The following GRM8 variants were observed in gnomAD, a reference collection of about 807,000 sequenced individuals.
GRM8 encodes the protein metabotropic glutamate receptor 8.
A neutral mutation model predicts 87.2 loss-of-function variants in GRM8; 47 were observed. That is an observed-to-expected ratio of 0.54 (90% confidence interval 0.43 to 0.69). The LOEUF (loss-of-function observed/expected upper bound fraction) is 0.69, where lower values mean the gene tolerates loss of function less well. Ranked by LOEUF, GRM8 falls within the 30% of genes least tolerant of loss-of-function variation. The pLI is 0.00. For missense variants in GRM8, 1,019 were observed against 1,139.2 expected (o/e 0.89, Z 1.52); for synonymous variants, 396 against 404.5 (o/e 0.98, Z 0.25).
At chr7:126,737,954 G>A (rs1040694726) in intron 7 of GRM8, among the ~76,000 whole-genome samples, 3 of 152,068 alleles carry the variant, frequency 2.0e-5, no homozygotes, top group African/African-American at 7.2e-5. Context: ...CTTTCTAGAG[G>A]TGACTTTTGA....
intron 2 of GRM8, among the ~76,000 whole-genome samples, chr7:127,219,097 C>T (rs1276375674): frequency 6.6e-6 from 1 of 152,182 alleles, no homozygotes; most frequent in Non-Finnish European, 1.5e-5. Flanking sequence ...AAATGCTTTC[C>T]GATGGTGAGA....
intron 9 of GRM8, among the ~76,000 whole-genome samples, chr7:126,493,106 A>G (rs1808235742): frequency 6.6e-6 from 1 of 152,022 alleles, no homozygotes; most frequent in Non-Finnish European, 1.5e-5. Context: ...AGTGGATAAA[A>G]CATTTTCATC....
At chr7:126,486,309 T>C (rs1456614767) in intron 9 of GRM8, among the ~76,000 whole-genome samples, 2 of 152,102 alleles carry the variant, frequency 1.3e-5, no homozygotes, top group Non-Finnish European at 2.9e-5. Flanking sequence ...AAATGTCGTT[T>C]CCACTCCAAA....
intron 3 of GRM8, among the ~76,000 whole-genome samples, chr7:126,968,891 T>C (rs575143911): frequency 3.3e-5 from 5 of 152,244 alleles, no homozygotes; most frequent in Admixed American, 2.6e-4. Context: ...CACCCCACAA[T>C]GTATACAGGC....
At chr7:126,964,440 A>G (rs1343923375) in intron 3 of GRM8, among the ~76,000 whole-genome samples, 1 of 152,242 alleles carries the variant, frequency 6.6e-6, no homozygotes, top group African/African-American at 2.4e-5. Flanking sequence ...TCCAGAATCT[A>G]CAAAGAACTT....
intron 7 of GRM8, among the ~76,000 whole-genome samples, chr7:126,667,979 G>A (rs1276071618): frequency 1.3e-5 from 2 of 152,170 alleles, no homozygotes; most frequent in East Asian, 3.9e-4. Context: ...ACCCTGTGTG[G>A]ACTGAATACA....
intron 7 of GRM8, among the ~76,000 whole-genome samples, chr7:126,692,273 G>C (rs1808906621): frequency 6.6e-6 from 1 of 152,090 alleles, no homozygotes; most frequent in Non-Finnish European, 1.5e-5. Context: ...TTTTAATTTT[G>C]ATACCACAAC....
intron 8 of GRM8, among the ~76,000 whole-genome samples, chr7:126,547,302 G>A (rs192592665): frequency 6.6e-6 from 1 of 152,182 alleles, no homozygotes; most frequent in Non-Finnish European, 1.5e-5. Context: ...GTAATTTGGG[G>A]AAAATAGTCT....
intron 9 of GRM8, among the ~76,000 whole-genome samples, chr7:126,525,170 T>G (rs1023635370): frequency 6.6e-6 from 1 of 152,144 alleles, no homozygotes; most frequent in African/African-American, 2.4e-5. Context: ...GTGAGTTTAG[T>G]GATTGTTTTA....
rs562303236 is a variant in GRM8 at position 126,651,423 on chromosome 7, G to A, written c.1358-41925C>T. On this transcript the variant is annotated intron_variant, in intron 7 of 10. Coordinates refer to ENST00000339582, the MANE Select transcript of GRM8 (RefSeq NM_000845.3). ...AAGGCTGTGTATGCTCTGAATCGGC[G>A]TCCTATATATGGTACTGTTTCTCCC... is the stretch of plus-strand genomic sequence containing the variant. Among the ~76,000 whole-genome samples the A allele has an allele frequency of 3.3e-4, 50 of 152,240 alleles. No individual in the cohort carries two copies. In the Middle Eastern group the frequency reaches 0.01, roughly 31 times the overall value.
chr7:126,621,794 C>G (rs1800207828), intron 7 of GRM8, among the ~76,000 whole-genome samples: 1 of 152,080 alleles, frequency 6.6e-6, no homozygotes, highest in Non-Finnish European at 1.5e-5. Context: ...TGGAAATTGT[C>G]TTGTCTAGTA....
At chr7:127,032,931 C>G (rs1817515677) in intron 3 of GRM8, among the ~76,000 whole-genome samples, 1 of 151,484 alleles carries the variant, frequency 6.6e-6, no homozygotes, top group Non-Finnish European at 1.5e-5. Flanking sequence ...AGGCTTCTAT[C>G]TAAAACTTCT....
chr7:127,080,325 T>A (rs534175019), intron 3 of GRM8, among the ~76,000 whole-genome samples: 60 of 152,364 alleles, frequency 3.9e-4, no homozygotes, highest in Non-Finnish European at 7.6e-4. Flanking sequence ...CTCTGCTGAA[T>A]AATTAACACA....
At chr7:127,105,610 G>A (rs978837609) in intron 3 of GRM8, among the ~76,000 whole-genome samples, 2 of 152,008 alleles carry the variant, frequency 1.3e-5, no homozygotes, top group Non-Finnish European at 2.9e-5. Flanking sequence ...TCAACATAAT[G>A]TCTTCCTTCA....
At chr7:126,461,165 C>G (rs1451252961) in intron 9 of GRM8, among the ~76,000 whole-genome samples, 3 of 151,500 alleles carry the variant, frequency 2.0e-5, no homozygotes, top group African/African-American at 4.8e-5. Context: ...TCTTCTCTTA[C>G]TGAAGCCCTG....
Position 127,141,223 on chromosome 7 carries a change from C to T in GRM8, c.511-34511G>A, listed in dbSNP as rs17865142. 6.6e-5 allele frequency among the ~76,000 whole-genome samples: 10 copies of T among 152,124 alleles called. No homozygotes were observed. In the East Asian group the frequency reaches 1.9e-3, roughly 29 times the overall value. ...TAGCCTGCTGGTCTCTTTCTTTAAACCTAACCCCTCCCTAGTGCCCATCCC... is the reference window on the plus strand; with the variant it reads ...TAGCCTGCTGGTCTCTTTCTTTAAATCTAACCCCTCCCTAGTGCCCATCCC... On this transcript the variant is annotated intron_variant, in intron 2 of 10. Coordinates refer to ENST00000339582, the MANE Select transcript of GRM8 (RefSeq NM_000845.3).
chr7:126,503,265 C>A (rs1809912607), intron 9 of GRM8, among the ~76,000 whole-genome samples: 1 of 152,036 alleles, frequency 6.6e-6, no homozygotes, highest in East Asian at 1.9e-4. Flanking sequence ...ATGGAGAAGG[C>A]AGTCATGCCA....
At chr7:126,969,909 A>C (rs1332876175) in intron 3 of GRM8, among the ~76,000 whole-genome samples, 2 of 152,190 alleles carry the variant, frequency 1.3e-5, no homozygotes, top group Admixed American at 6.5e-5. Flanking sequence ...GTTAGTTGTC[A>C]TAAAAACATT....
At chr7:127,158,620 T>C (rs1792886515) in intron 2 of GRM8, among the ~76,000 whole-genome samples, 1 of 152,214 alleles carries the variant, frequency 6.6e-6, no homozygotes, top group South Asian at 2.1e-4. Flanking sequence ...TGTCACCACA[T>C]GGTGGAAAAG....
Sources: gnomAD v4.1 joint callset for allele counts (sites outside exome capture counted in the v4.1 genomes callset) on GRCh38, gnomAD v4.1.1 for gene constraint, MANE v1.5 for transcripts, NCBI Gene and HGNC (gene_info 2026-07-23, HGNC 2026-07-21) for gene names.